HEMK2: variants seen among roughly 807,000 people sequenced by gnomAD.
The protein encoded by HEMK2 is HemK methyltransferase 2, ETF1 glutamine and histone H4 lysine.
At chr21:28,673,258 A>G in the HEMK2 span, among the ~76,000 whole-genome samples, 6 of 152,144 alleles carry the variant, frequency 3.9e-5, no homozygotes, top group African/African-American at 9.7e-5. Context: ...AAAATGCATG[A>G]TAGTGTTTTA....
chr21:28,703,714 G>A, the HEMK2 span, among the ~76,000 whole-genome samples: 331 of 152,210 alleles, frequency 2.2e-3, no homozygotes, highest in Non-Finnish European at 4.1e-3. Flanking sequence ...CATTTCTTAC[G>A]TTCCACATCC....
chr21:28,753,335 C>CAACA, the HEMK2 span, among the ~76,000 whole-genome samples: 1 of 138,636 alleles, frequency 7.2e-6, no homozygotes, highest in Non-Finnish European at 1.5e-5. Context: ...CCAGCCTGGG[C>CAACA]AACACAGTGA....
the HEMK2 span, among the ~76,000 whole-genome samples, chr21:28,710,347 T>C: frequency 6.6e-6 from 1 of 152,228 alleles, no homozygotes; most frequent in Admixed American, 6.5e-5. Flanking sequence ...AACCAGCCAA[T>C]GGTGGTCTAA....
the HEMK2 span, among the ~76,000 whole-genome samples, chr21:28,676,583 C>A: frequency 6.6e-6 from 1 of 152,132 alleles, no homozygotes; most frequent in African/African-American, 2.4e-5. Flanking sequence ...CTCCAACTGG[C>A]CTGCACACTG....
chr21:28,885,193 G>A, the HEMK2 span: 2 of 1,544,162 alleles, frequency 1.3e-6, no homozygotes, highest in East Asian at 2.5e-5. Flanking sequence ...TCCCGTCAGA[G>A]CCCCTCCCCT....
the HEMK2 span, among the ~76,000 whole-genome samples, chr21:28,593,068 T>C: frequency 6.6e-6 from 1 of 152,128 alleles, no homozygotes; most frequent in Non-Finnish European, 1.5e-5. Context: ...TAGTGGCACA[T>C]GCTTATAATC....
chr21:28,707,715 C>T, the HEMK2 span, among the ~76,000 whole-genome samples: 2 of 151,976 alleles, frequency 1.3e-5, no homozygotes, highest in South Asian at 4.2e-4. Context: ...CACACTGTAT[C>T]CCTACATAAA....
chr21:28,718,629 T>A, the HEMK2 span, among the ~76,000 whole-genome samples: 2 of 149,680 alleles, frequency 1.3e-5, no homozygotes, highest in African/African-American at 2.5e-5. Context: ...AAAAAAAAAA[T>A]AAACTGCTTG....
the HEMK2 span, among the ~76,000 whole-genome samples, chr21:28,662,736 GA>G: frequency 1.3e-5 from 2 of 149,254 alleles, no homozygotes; most frequent in African/African-American, 2.6e-5. Context: ...ATCATGTGAA[GA>G]AGGACGTGCT....
chr21:28,696,398 T>TA, the HEMK2 span, among the ~76,000 whole-genome samples: 1 of 152,166 alleles, frequency 6.6e-6, no homozygotes, highest in Non-Finnish European at 1.5e-5. Context: ...CTTTAAACCT[T>TA]AAAGTTCCAA....
the HEMK2 span, among the ~76,000 whole-genome samples, chr21:28,718,860 ACAAAAGAGTAGATGAAAGTAT>A: frequency 6.6e-6 from 1 of 152,206 alleles, no homozygotes; most frequent in Non-Finnish European, 1.5e-5. Flanking sequence ...TCATGATAAG[ACAAAAGAGTAGATGAAAGTAT>A]CAAAAATTCT....
At chr21:28,822,050 AAGAG>A in the HEMK2 span, among the ~76,000 whole-genome samples, 1 of 152,222 alleles carries the variant, frequency 6.6e-6, no homozygotes, top group South Asian at 2.1e-4. Flanking sequence ...AACTGCAAAG[AAGAG>A]AGATACTCTA....
At chr21:28,663,976 C>A in the HEMK2 span, among the ~76,000 whole-genome samples, 28 of 152,266 alleles carry the variant, frequency 1.8e-4, no homozygotes, top group Admixed American at 1.3e-4. Flanking sequence ...TACATACATA[C>A]GCATTGTACA....
At chr21:28,797,592 G>A in the HEMK2 span, among the ~76,000 whole-genome samples, 1 of 151,896 alleles carries the variant, frequency 6.6e-6, no homozygotes. Flanking sequence ...TCCAGCCTGG[G>A]TGACAGTATG....
chr21:28,855,291 G>A, the HEMK2 span, among the ~76,000 whole-genome samples: 1 of 152,252 alleles, frequency 6.6e-6, no homozygotes, highest in East Asian at 1.9e-4. Context: ...GTAAAGGATT[G>A]AAGTCAACAA....
chr21:28,776,838 C>A, the HEMK2 span, among the ~76,000 whole-genome samples: 1 of 152,162 alleles, frequency 6.6e-6, no homozygotes, highest in Non-Finnish European at 1.5e-5. Context: ...AGTCCTTCCA[C>A]GTTCTTCTGC....
chr21:28,677,833 G>A, the HEMK2 span, among the ~76,000 whole-genome samples: 1 of 152,174 alleles, frequency 6.6e-6, no homozygotes, highest in Non-Finnish European at 1.5e-5. Flanking sequence ...TGCAGCTGAG[G>A]GTCCTGAGTG....
the HEMK2 span, among the ~76,000 whole-genome samples, chr21:28,856,440 AT>A: frequency 6.6e-6 from 1 of 152,162 alleles, no homozygotes; most frequent in Non-Finnish European, 1.5e-5. Context: ...AATAATAATA[AT>A]TAAGGTTATT....
the HEMK2 span, among the ~76,000 whole-genome samples, chr21:28,711,422 A>C: frequency 8.5e-5 from 13 of 152,120 alleles, no homozygotes; most frequent in Admixed American, 8.5e-4. Context: ...AGTGCTGGGG[A>C]GTCATGGTTC....
Sources: allele counts gnomAD v4.1 joint callset (sites outside exome capture counted in the v4.1 genomes callset), GRCh38; gene constraint gnomAD v4.1.1; transcripts MANE v1.5; gene names NCBI Gene and HGNC (gene_info 2026-07-23, HGNC 2026-07-21).